Variants in THSD4 observed in about 807,000 individuals in gnomAD.
The protein encoded by THSD4 is thrombospondin type-1 domain-containing protein 4.
In THSD4, 69 loss-of-function variants were observed where a neutral mutation model predicts 119.0. The ratio of observed to expected loss-of-function variants is 0.58; its 90% CI spans 0.48 to 0.71. The LOEUF (loss-of-function observed/expected upper bound fraction) is 0.71, where lower values mean the gene tolerates loss of function less well. Ranked by LOEUF, THSD4 falls within the 30% of genes least tolerant of loss-of-function variation. THSD4 has a pLI of 0.00. For missense variants in THSD4, 1,393 were observed against 1,391.1 expected (o/e 1.00, Z -0.02); for synonymous variants, 524 against 540.4 (o/e 0.97, Z 0.42).
At chr15:71,492,476 G>A (rs1212680709) in intron 7 of THSD4, among the ~76,000 whole-genome samples, 2 of 151,916 alleles carry the variant, frequency 1.3e-5, no homozygotes, top group Non-Finnish European at 2.9e-5. Flanking sequence ...ATAGAGGGGG[G>A]GAGTTTCACC....
intron 7 of THSD4, among the ~76,000 whole-genome samples, chr15:71,579,136 CT>C (rs1405436100): frequency 2.6e-5 from 4 of 152,184 alleles, no homozygotes; most frequent in African/African-American, 7.2e-5. Flanking sequence ...AGTGCATTAA[CT>C]TTTTAATCAA....
chr15:71,731,842 G>A (rs2052985640), intron 10 of THSD4: 1 of 152,692 alleles, frequency 6.5e-6, no homozygotes, highest in African/African-American at 2.4e-5. Context: ...TTAGAAGTCT[G>A]AAGTGGGTTT....
At chr15:71,155,716 G>T (rs2040770869) in intron 3 of THSD4, among the ~76,000 whole-genome samples, 1 of 152,168 alleles carries the variant, frequency 6.6e-6, no homozygotes, top group African/African-American at 2.4e-5. Context: ...TGCAGCTGTA[G>T]CTATGGCTGT....
chr15:71,537,653 G>A (rs770284919), intron 7 of THSD4, among the ~76,000 whole-genome samples: 1 of 152,056 alleles, frequency 6.6e-6, no homozygotes, highest in Non-Finnish European at 1.5e-5. Context: ...TAAGAATTGA[G>A]TCTGTTTTTC....
At chr15:71,485,022 C>G (rs770537989) in intron 7 of THSD4, among the ~76,000 whole-genome samples, 2 of 152,154 alleles carry the variant, frequency 1.3e-5, no homozygotes, top group Non-Finnish European at 2.9e-5. Context: ...TCTTCAAATA[C>G]GTTGTTTCTC....
intron 8 of THSD4, among the ~76,000 whole-genome samples, chr15:71,709,890 G>C (rs1356570901): frequency 6.6e-6 from 1 of 152,164 alleles, no homozygotes. Context: ...TCAGGTGCTT[G>C]CCATGGGCAG....
chr15:71,445,788 A>T (rs915472164), intron 7 of THSD4, among the ~76,000 whole-genome samples: 1 of 152,338 alleles, frequency 6.6e-6, no homozygotes. Context: ...ATGGCTCAGA[A>T]AGTTCTTTTC....
At chr15:71,438,389 CT>C (rs2047044698) in intron 7 of THSD4, among the ~76,000 whole-genome samples, 1 of 151,780 alleles carries the variant, frequency 6.6e-6, no homozygotes, top group African/African-American at 2.4e-5. Context: ...GCAATTTTCT[CT>C]TTTGTGATTC....
At chr15:71,640,419 C>T (rs564670274) in intron 7 of THSD4, among the ~76,000 whole-genome samples, 42 of 152,140 alleles carry the variant, frequency 2.8e-4, no homozygotes, top group South Asian at 1.7e-3. Flanking sequence ...AATTAGAGGG[C>T]CAACTGTGGC....
At chr15:71,388,605 T>C (rs1488388575) in intron 6 of THSD4, among the ~76,000 whole-genome samples, 1 of 151,982 alleles carries the variant, frequency 6.6e-6, no homozygotes, top group Non-Finnish European at 1.5e-5. Flanking sequence ...CTACTCTAAT[T>C]TGCTCACCAA....
chr15:71,425,699 A>T (rs76576915), intron 7 of THSD4, among the ~76,000 whole-genome samples: 1 of 152,160 alleles, frequency 6.6e-6, no homozygotes, highest in South Asian at 2.1e-4. Context: ...AAAGCCTACC[A>T]TTTGAATGGG....
At chr15:71,705,248 T>C (rs1025034447) in intron 8 of THSD4, among the ~76,000 whole-genome samples, 22 of 152,290 alleles carry the variant, frequency 1.4e-4, no homozygotes, top group African/African-American at 5.3e-4. Context: ...AGTCTTCAAA[T>C]ACTTACTGAA....
chr15:71,158,543 TG>T (rs2043223354), intron 3 of THSD4, among the ~76,000 whole-genome samples: 1 of 152,232 alleles, frequency 6.6e-6, no homozygotes, highest in African/African-American at 2.4e-5. Flanking sequence ...ATTTCCCTGA[TG>T]ATCAGTGATG....
chr15:71,737,943 G>A lies in THSD4; in HGVS notation c.1842G>A (p.Arg614=), dbSNP rs1567128387. The A allele has an allele frequency of 6.2e-7, 1 of 1,614,116 alleles. No homozygotes were observed. Among genetic ancestry groups the A allele is most frequent in the East Asian group, 2.2e-5 (1 of 44,888 alleles). ...NLVPPAPQPP[R]RSRDHNWKQL... Reference sequence around the variant, plus strand: ...TGCCACCAGCACCGCAGCCCCCACGGCGCAGCCGGGATCACAACTGGAAGC... The same window carrying A: ...TGCCACCAGCACCGCAGCCCCCACGACGCAGCCGGGATCACAACTGGAAGC... The change falls in exon 11 of 18, where the codon CGG becomes CGA. Residue 614 remains arginine, a synonymous_variant. Coordinates refer to ENST00000261862, the MANE Select transcript of THSD4 (RefSeq NM_024817.3).
At chr15:71,376,707 C>A (rs1057145534) in intron 6 of THSD4, among the ~76,000 whole-genome samples, 1 of 152,132 alleles carries the variant, frequency 6.6e-6, no homozygotes, top group African/African-American at 2.4e-5. Context: ...AAAGGGATCC[C>A]AGGTGATGGG....
chr15:71,528,696 G>A (rs2048564540), intron 7 of THSD4, among the ~76,000 whole-genome samples: 1 of 152,110 alleles, frequency 6.6e-6, no homozygotes. Flanking sequence ...ACTGACACTG[G>A]AATATCTGAA....
At chr15:71,612,461 G>A (rs1221536843) in intron 7 of THSD4, among the ~76,000 whole-genome samples, 7 of 152,232 alleles carry the variant, frequency 4.6e-5, no homozygotes, top group Non-Finnish European at 5.9e-5. Flanking sequence ...GTCCCAGGAA[G>A]CCCAACTGCT....
chr15:71,192,177 C>A (rs2043677887), intron 3 of THSD4, among the ~76,000 whole-genome samples: 1 of 152,132 alleles, frequency 6.6e-6, no homozygotes, highest in Non-Finnish European at 1.5e-5. Context: ...ACTGGGATTA[C>A]AGGTGTGAGC....
At position 71,737,829 on chromosome 15, in the gene THSD4, G is replaced by A. The variant is rs746386991; in HGVS notation, c.1728G>A (p.Glu576=). 5.6e-6 allele frequency: 9 copies of A among 1,614,254 alleles called. No individual in the cohort carries two copies. Among genetic ancestry groups the A allele is most frequent in the East Asian group, 2.2e-5 (1 of 44,884 alleles). The change falls in exon 11 of 18, where the codon GAG becomes GAA. Residue 576 remains glutamate, a synonymous_variant. Coordinates refer to ENST00000261862, the MANE Select transcript of THSD4 (RefSeq NM_024817.3). ...RNEEKEDLRG[E]APEMFTSESA... ...AGGAGAAGGAAGACTTGCGTGGGGA[G>A]GCCCCTGAGATGTTCACCTCAGAAT... is the stretch of plus-strand genomic sequence containing the variant.
Sources: gnomAD v4.1 joint callset for allele counts (sites outside exome capture counted in the v4.1 genomes callset) on GRCh38, gnomAD v4.1.1 for gene constraint, MANE v1.5 for transcripts, NCBI Gene and HGNC (gene_info 2026-07-23, HGNC 2026-07-21) for gene names.